The following NAALADL2 variants were observed in gnomAD, a reference collection of about 807,000 sequenced individuals.
NAALADL2 encodes the protein inactive N-acetylated-alpha-linked acidic dipeptidase-like protein 2.
A neutral mutation model predicts 87.2 loss-of-function variants in NAALADL2; 76 were observed. The observed-to-expected ratio is 0.87, with a 90% CI of 0.72 to 1.05. The LOEUF is 1.05. Among genes scored for constraint, NAALADL2 ranks in the 50% least tolerant of loss-of-function variants. The pLI is 0.00. For synonymous variants in NAALADL2, 354 were observed against 331.0 expected, an observed-to-expected ratio of 1.07 and a Z score of -0.75; for missense variants, 1,089 against 945.8, an observed-to-expected ratio of 1.15 and a Z score of -1.99.
At chr3:174,734,701 T>C (rs1733021905) in intron 2 of NAALADL2, among the ~76,000 whole-genome samples, 1 of 152,166 alleles carries the variant, frequency 6.6e-6, no homozygotes, top group African/African-American at 2.4e-5. Context: ...CAAGCAGTTC[T>C]TTCTTTGTGA....
chr3:175,310,597 G>A (rs1026544426), intron 4 of NAALADL2, among the ~76,000 whole-genome samples: 1 of 151,444 alleles, frequency 6.6e-6, no homozygotes, highest in Non-Finnish European at 1.5e-5. Flanking sequence ...AAGAATATTG[G>A]TAGCTTAATA....
In NAALADL2 at chr3:174,984,832, T is replaced by C. The variant is rs1274134648; in HGVS notation, c.44-111958T>C. Among the ~76,000 whole-genome samples the C allele has an allele frequency of 2.6e-5, 4 of 152,230 alleles. No individual in the cohort carries two copies. In the East Asian group the frequency reaches 7.7e-4, roughly 29 times the overall value. On this transcript the variant is annotated intron_variant, in intron 1 of 13. Transcript: ENST00000454872. The stretch of plus-strand genomic sequence containing the variant: ...CAAGTGAAGGCTAGTGTTTTCAGAT[T>C]CCATACATTATTCCTCTGTAGAGTT...
chr3:174,829,237 G>C lies in NAALADL2; in HGVS notation c.-9+91491G>C, dbSNP rs189853083. ...CCACTAACTCGTCATCTAGCATTAG[G>C]TATATCTCCCAGTGCTATCCCTCCC... On this transcript the variant is annotated intron_variant, in intron 3 of 3. Coordinates refer to the NAALADL2 transcript ENST00000434257. Among the ~76,000 whole-genome samples, 544 of 151,430 alleles carry C rather than the reference G, an allele frequency of 3.6e-3. 3 individuals are homozygous for C. Among genetic ancestry groups the C allele is most frequent in the Middle Eastern group, 0.021 (6 of 290 alleles).
chr3:174,685,375 C>T (rs73882492), intron 2 of NAALADL2, among the ~76,000 whole-genome samples: 6,312 of 152,190 alleles, frequency 0.041, 467 homozygotes, highest in African/African-American at 0.14. Flanking sequence ...ACAAATTTAT[C>T]CAAAATGTAT....
chr3:175,094,789 T>TGTGA (rs1335495209), intron 1 of NAALADL2, among the ~76,000 whole-genome samples: 2 of 150,734 alleles, frequency 1.3e-5, no homozygotes, highest in African/African-American at 4.9e-5. Context: ...TGTGTGTGTG[T>TGTGA]GAATATTATA....
At chr3:174,595,500 G>A (rs928181092) in intron 2 of NAALADL2, among the ~76,000 whole-genome samples, 2 of 152,118 alleles carry the variant, frequency 1.3e-5, no homozygotes, top group Non-Finnish European at 2.9e-5. Flanking sequence ...CAACTTGAGG[G>A]GAGAAAAGGC....
intron 1 of NAALADL2, among the ~76,000 whole-genome samples, chr3:174,476,934 T>G (rs1717251363): frequency 6.6e-6 from 1 of 152,010 alleles, no homozygotes; most frequent in Non-Finnish European, 1.5e-5. Context: ...GTGCGAAAGA[T>G]TCAGGGACTA....
intron 5 of NAALADL2, among the ~76,000 whole-genome samples, chr3:175,412,810 T>A (rs568151135): frequency 1.3e-5 from 2 of 151,176 alleles, no homozygotes; most frequent in South Asian, 2.1e-4. Flanking sequence ...AAATTATCCA[T>A]CTGATTATTT....
intron 2 of NAALADL2, among the ~76,000 whole-genome samples, chr3:174,722,885 A>C (rs1272088703): frequency 6.6e-6 from 1 of 152,178 alleles, no homozygotes; most frequent in Non-Finnish European, 1.5e-5. Flanking sequence ...CAGGATCCTG[A>C]GTCTGGGGTC....
chr3:175,474,062 A>T (rs2149300493), intron 9 of NAALADL2, among the ~76,000 whole-genome samples: 1 of 152,246 alleles, frequency 6.6e-6, no homozygotes, highest in Non-Finnish European at 1.5e-5. Flanking sequence ...ATCTATGCCA[A>T]TATCTGTTTT....
At chr3:174,442,941 A>C (rs1046839525) in intron 1 of NAALADL2, among the ~76,000 whole-genome samples, 1 of 152,202 alleles carries the variant, frequency 6.6e-6, no homozygotes, top group Non-Finnish European at 1.5e-5. Context: ...TAGCAAGTGC[A>C]GAGGCCGGGC....
rs199529620 is a variant in NAALADL2, at chr3:175,233,994, G to T, written c.609G>T (p.Gln203His). Residue 203 changes from glutamine (Q) to histidine (H), a missense_variant, in exon 3 of 14, where the codon CAG becomes CAT. Coordinates refer to ENST00000454872, the MANE Select transcript of NAALADL2 (RefSeq NM_207015.3). The part of the protein sequence containing the change: ...DMEISKKIKT[Q>H]WTSLGLEDVQ... ...AAATTTCAAAGAAGATTAAGACTCA[G>T]TGGACCTCTTTGGGCCTAGAAGATG... 6.2e-7 allele frequency: 1 copy of T among 1,610,416 alleles called. No individual in the cohort carries two copies. The highest frequency in any genetic ancestry group is 2.2e-5 in the East Asian group (1 of 44,844).
At chr3:175,218,194 T>TTA (rs1742841606) in intron 2 of NAALADL2, 3 of 379,158 alleles carry the variant, frequency 7.9e-6, no homozygotes, top group Non-Finnish European at 1.1e-5. Flanking sequence ...TTTAGTTAGT[T>TTA]TATATATTAT....
intron 6 of NAALADL2, among the ~76,000 whole-genome samples, chr3:175,456,340 G>A (rs997849171): frequency 6.6e-6 from 1 of 151,952 alleles, no homozygotes; most frequent in Admixed American, 6.6e-5. Context: ...TCTCTGAGTG[G>A]AACACATTTT....
At position 175,718,795 on chromosome 3, in the gene NAALADL2, C is replaced by T. The variant is rs534729630; in HGVS notation, c.1897-18511C>T. On this transcript the variant is annotated intron_variant, in intron 11 of 13. Transcript: ENST00000454872. ...TTTAAAAATTAGCCAAGCATGGTGACGCACACACCACTGCACTCCAGCCTG... is the reference window on the plus strand; with the variant it reads ...TTTAAAAATTAGCCAAGCATGGTGATGCACACACCACTGCACTCCAGCCTG... 181 of 684,990 alleles carry T rather than the reference C, an allele frequency of 2.6e-4. 1 individual carries two copies. The highest frequency in any genetic ancestry group is 1.3e-4 in the African/African-American group (7 of 55,322). 42.4% of individuals were successfully genotyped at this position (684,990 alleles called of 1,614,324 possible). A position where few individuals can be genotyped will look rare whatever the true frequency, so the allele number is the denominator to read the frequency against.
upstream of NAALADL2, among the ~76,000 whole-genome samples, chr3:174,855,470 A>G (rs536787428): frequency 1.1e-4 from 17 of 151,990 alleles, no homozygotes; most frequent in South Asian, 3.5e-3. Context: ...ATCATTTCTT[A>G]TATCCTTCTA....
chr3:175,038,639 A>G (rs1445924729), intron 1 of NAALADL2, among the ~76,000 whole-genome samples: 1 of 152,202 alleles, frequency 6.6e-6, no homozygotes, highest in African/African-American at 2.4e-5. Flanking sequence ...TGAACTTTAC[A>G]TCAACAATGC....
In NAALADL2 at chr3:175,463,480, C is replaced by A; in HGVS notation, c.1314C>A (p.Gly438=). Residue 438 remains glycine, a synonymous_variant, in exon 7 of 14, where the codon GGC becomes GGA. Coordinates refer to ENST00000454872, the MANE Select transcript of NAALADL2 (RefSeq NM_207015.3). ...CTAATGTTGTTGGATTTGTAATGGGCTTGACATCTCCAGGTAAGTAGGGTT... is the reference window on the plus strand; with the variant it reads ...CTAATGTTGTTGGATTTGTAATGGGATTGACATCTCCAGGTAAGTAGGGTT... ...TVTNVVGFVM[G]LTSPDRYIIV... 1 of 1,586,646 alleles carries A rather than the reference C, an allele frequency of 6.3e-7. No individual in the cohort carries two copies. The highest frequency in any genetic ancestry group is 1.2e-5 in the South Asian group (1 of 86,338).
intron 1 of NAALADL2, among the ~76,000 whole-genome samples, chr3:175,065,006 A>T (rs1241924790): frequency 1.3e-5 from 2 of 152,166 alleles, no homozygotes; most frequent in Non-Finnish European, 2.9e-5. Context: ...CGACAATTAC[A>T]TATATTAATA....
Sources: allele counts gnomAD v4.1 joint callset (sites outside exome capture counted in the v4.1 genomes callset), GRCh38; gene constraint gnomAD v4.1.1; transcripts MANE v1.5; gene names NCBI Gene and HGNC (gene_info 2026-07-23, HGNC 2026-07-21).